SEMA3D: variants seen among roughly 807,000 people sequenced by gnomAD.
SEMA3D encodes the protein semaphorin-3D.
Under a neutral mutation model 100.1 loss-of-function variants are expected in SEMA3D, and 84 were observed. The ratio of observed to expected loss-of-function variants is 0.84; its 90% CI spans 0.70 to 1.01. The LOEUF (loss-of-function observed/expected upper bound fraction) is 1.01, where lower values mean the gene tolerates loss of function less well. Ranked by LOEUF, SEMA3D falls within the 50% of genes least tolerant of loss-of-function variation. The pLI, the probability that SEMA3D is intolerant of heterozygous loss-of-function variation, is 0.00. For missense variants in SEMA3D, 875 were observed against 934.1 expected, an observed-to-expected ratio of 0.94 and a Z score of 0.82; for synonymous variants, 312 against 320.7, an observed-to-expected ratio of 0.97 and a Z score of 0.29.
intron 9 of SEMA3D, among the ~76,000 whole-genome samples, chr7:85,052,846 AAG>A (rs201551379): frequency 1.3e-4 from 19 of 147,148 alleles, no homozygotes; most frequent in African/African-American, 3.5e-4. Context: ...TAATAAACAA[AAG>A]AGTTATAAAA....
chr7:85,139,644 G>A (rs1789984698), intron 2 of SEMA3D, among the ~76,000 whole-genome samples: 1 of 151,922 alleles, frequency 6.6e-6, no homozygotes, highest in African/African-American at 2.4e-5. Context: ...AACCTAAGAT[G>A]TCATTTTAAT....
the SEMA3D span, among the ~76,000 whole-genome samples, chr7:85,230,971 C>G: frequency 6.6e-6 from 1 of 152,210 alleles, no homozygotes; most frequent in African/African-American, 2.4e-5. Context: ...ACTCCCAGTT[C>G]TTGAACACTT....
chr7:85,029,477 G>T, intron 12 of SEMA3D: 1 of 704,516 alleles, frequency 1.4e-6, no homozygotes, highest in Non-Finnish European at 2.6e-6. Flanking sequence ...CTTAGCAAGT[G>T]CCATGAAATT....
intron 17 of SEMA3D, 51 bp from the exon 18 acceptor site, chr7:85,006,992 C>A: frequency 1.3e-6 from 2 of 1,490,592 alleles, no homozygotes; most frequent in South Asian, 1.2e-5. Flanking sequence ...ATTTTAAAAG[C>A]AATGGGAAAA....
intron 1 of SEMA3D, among the ~76,000 whole-genome samples, chr7:85,157,863 A>C (rs943137718): frequency 6.6e-6 from 1 of 152,150 alleles, no homozygotes; most frequent in African/African-American, 2.4e-5. Flanking sequence ...ATAAATTGTG[A>C]AGATTTCATG....
At chr7:85,136,716 T>C (rs537523474) in intron 2 of SEMA3D, among the ~76,000 whole-genome samples, 2 of 152,252 alleles carry the variant, frequency 1.3e-5, no homozygotes, top group South Asian at 4.1e-4. Context: ...TACATTTTTA[T>C]TTTTTACTAT....
At chr7:85,164,122 ACAGT>A (rs761417653) in intron 1 of SEMA3D, among the ~76,000 whole-genome samples, 14 of 152,096 alleles carry the variant, frequency 9.2e-5, no homozygotes, top group Non-Finnish European at 1.8e-4. Context: ...TTCAGGTCTT[ACAGT>A]CAGTCAGTAG....
At chr7:85,237,608 T>C in the SEMA3D span, among the ~76,000 whole-genome samples, 4 of 152,208 alleles carry the variant, frequency 2.6e-5, no homozygotes. Flanking sequence ...CTTCATGGCT[T>C]GATAGCTAAT....
At position 85,066,608 on chromosome 7, in the gene SEMA3D, C is replaced by T. The variant is rs1791628474; in HGVS notation, c.590-1056G>A. Among the ~76,000 whole-genome samples, 3 of 151,996 alleles carry T rather than the reference C, an allele frequency of 2.0e-5. No individual in the cohort carries two copies. In the South Asian group the frequency reaches 6.2e-4, roughly 31 times the overall value. On this transcript the variant is annotated intron_variant, in intron 7 of 18. Coordinates refer to ENST00000284136, the MANE Select transcript of SEMA3D (RefSeq NM_001384900.1). ...CTACTATTTCAAGAAACTTCTTAGT[C>T]AACCACTTTGCTTTACATTTAATAG...
chr7:85,244,705 AATC>A, the SEMA3D span, among the ~76,000 whole-genome samples: 5 of 141,604 alleles, frequency 3.5e-5, no homozygotes, highest in East Asian at 2.0e-4. Context: ...TGTACTGCAC[AATC>A]TTTTTTTTTT....
intron 8 of SEMA3D, among the ~76,000 whole-genome samples, chr7:85,056,958 A>G (rs543700584): frequency 1.3e-5 from 2 of 149,734 alleles, no homozygotes; most frequent in East Asian, 2.0e-4. Context: ...TATAATAAGT[A>G]TTTAATAAGT....
chr7:85,117,821 ATATATATAGATAC>A (rs1789289039), intron 3 of SEMA3D, among the ~76,000 whole-genome samples: 1 of 151,052 alleles, frequency 6.6e-6, no homozygotes, highest in Non-Finnish European at 1.5e-5. Context: ...TCTATCTACC[ATATATATAGATAC>A]TATATATAGA....
intron 2 of SEMA3D, among the ~76,000 whole-genome samples, chr7:85,135,107 T>A (rs562400935): frequency 1.3e-5 from 2 of 152,016 alleles, no homozygotes; most frequent in South Asian, 4.1e-4. Context: ...TCAGACAGGC[T>A]TGATTATGAA....
the SEMA3D span, among the ~76,000 whole-genome samples, chr7:85,222,273 G>C: frequency 6.6e-6 from 1 of 150,552 alleles, no homozygotes; most frequent in African/African-American, 2.5e-5. Flanking sequence ...GGTAAAATTG[G>C]AATTTTGCAT....
intron 2 of SEMA3D, among the ~76,000 whole-genome samples, chr7:85,131,656 A>T (rs1447036874): frequency 6.6e-6 from 1 of 151,986 alleles, no homozygotes; most frequent in Non-Finnish European, 1.5e-5. Flanking sequence ...AATCTTGTGG[A>T]TCTTGTGAAA....
intron 12 of SEMA3D, among the ~76,000 whole-genome samples, chr7:85,024,067 C>T (rs191114845): frequency 5.3e-4 from 80 of 152,010 alleles, no homozygotes; most frequent in Admixed American, 2.2e-3. Context: ...CACGTTCAGT[C>T]ATTATTTCCA....
rs1482579327 is a variant in SEMA3D at position 85,049,634 on chromosome 7, G to C, written c.861+6083C>G. The stretch of plus-strand genomic sequence containing the variant: ...GGGCACTAAATCTCTCATTTAGGTT[G>C]TAAGTGACATGCTGAAAGTAAGCAC... On this transcript the variant is annotated intron_variant, in intron 9 of 18. Transcript: ENST00000284136. 7.2e-5 allele frequency among the ~76,000 whole-genome samples: 11 copies of C among 151,856 alleles called. No homozygotes were observed. The Admixed American group carries it at 7.2e-4, about 10-fold the overall frequency.
chr7:85,052,385 G>A (rs1791191289), intron 9 of SEMA3D, among the ~76,000 whole-genome samples: 1 of 151,850 alleles, frequency 6.6e-6, no homozygotes, highest in African/African-American at 2.4e-5. Flanking sequence ...AATCTCAAAA[G>A]TCATTGCTCC....
At chr7:85,143,179 A>T (rs1375725431) in intron 2 of SEMA3D, 1 of 977,678 alleles carries the variant, frequency 1.0e-6, no homozygotes, top group Admixed American at 6.2e-5. Flanking sequence ...TGCATATAAA[A>T]TCAGGTCATA....
Sources: gnomAD v4.1 joint callset for allele counts (sites outside exome capture counted in the v4.1 genomes callset) on GRCh38, gnomAD v4.1.1 for gene constraint, MANE v1.5 for transcripts, NCBI Gene and HGNC (gene_info 2026-07-23, HGNC 2026-07-21) for gene names.